KIAA1958: variants seen among roughly 807,000 people sequenced by gnomAD.
The protein encoded by KIAA1958 is KIAA1958.
Under a neutral mutation model 47.2 loss-of-function variants are expected in KIAA1958, and 14 were observed. That is an observed-to-expected ratio of 0.30 (90% CI 0.20 to 0.46). The LOEUF (loss-of-function observed/expected upper bound fraction) is 0.46, where lower values mean the gene tolerates loss of function less well. Among genes scored for constraint, KIAA1958 ranks in the 20% least tolerant of loss-of-function variants. KIAA1958 has a pLI of 1.00. For missense variants in KIAA1958, 803 were observed against 909.2 expected (o/e 0.88, Z 1.50); for synonymous variants, 354 against 353.3 (o/e 1.00, Z -0.02).
intron 3 of KIAA1958, among the ~76,000 whole-genome samples, chr9:112,647,734 TGCACAGAATGTGAGCCCTAAG>T (rs1349209913): frequency 1.3e-5 from 2 of 152,234 alleles, no homozygotes. Flanking sequence ...CAGAATGGGC[TGCACAGAATGTGAGCCCTAAG>T]GCACAGGAAA....
At chr9:112,514,991 C>T (rs1834391949) in intron 1 of KIAA1958, among the ~76,000 whole-genome samples, 2 of 78,798 alleles carry the variant, frequency 2.5e-5, no homozygotes, top group Non-Finnish European at 5.4e-5. Flanking sequence ...GTGGGGGGGT[C>T]GGCCCCCCGC....
chr9:112,646,425 G>T (rs1836976095), intron 3 of KIAA1958, among the ~76,000 whole-genome samples: 1 of 152,212 alleles, frequency 6.6e-6, no homozygotes, highest in Admixed American at 6.5e-5. Flanking sequence ...GCATCCTAAG[G>T]ATTAGACAAA....
chr9:112,562,733 C>A (rs1455240670), intron 1 of KIAA1958, among the ~76,000 whole-genome samples: 1 of 152,124 alleles, frequency 6.6e-6, no homozygotes, highest in Non-Finnish European at 1.5e-5. Context: ...TATAGGTAAT[C>A]TGAAACATAC....
At chr9:112,492,383 A>G (rs879756292) in intron 1 of KIAA1958, among the ~76,000 whole-genome samples, 1 of 152,090 alleles carries the variant, frequency 6.6e-6, no homozygotes, top group Non-Finnish European at 1.5e-5. Context: ...ATATGACTTC[A>G]TTTTACCTTA....
At chr9:112,636,593 A>T (rs1386736504) in intron 2 of KIAA1958, among the ~76,000 whole-genome samples, 1 of 152,108 alleles carries the variant, frequency 6.6e-6, no homozygotes, top group Admixed American at 6.5e-5. Flanking sequence ...ATTGTTATAT[A>T]TACCTTCCTG....
At chr9:112,616,012 A>C (rs1214535339) in intron 2 of KIAA1958, among the ~76,000 whole-genome samples, 2 of 152,234 alleles carry the variant, frequency 1.3e-5, no homozygotes, top group Admixed American at 1.3e-4. Context: ...GACTGCTGTG[A>C]TAGATATTTG....
At chr9:112,535,218 TC>T (rs1834832132) in intron 1 of KIAA1958, among the ~76,000 whole-genome samples, 1 of 152,210 alleles carries the variant, frequency 6.6e-6, no homozygotes, top group Non-Finnish European at 1.5e-5. Context: ...AAATTTTATA[TC>T]CTTTGACCAC....
At chr9:112,595,571 G>A (rs1836007442) in intron 2 of KIAA1958, among the ~76,000 whole-genome samples, 1 of 151,438 alleles carries the variant, frequency 6.6e-6, no homozygotes, top group South Asian at 2.1e-4. Context: ...GTGGGGGTAG[G>A]CGGAGCTGAG....
chr9:112,517,010 C>T (rs965369202), intron 1 of KIAA1958, among the ~76,000 whole-genome samples: 7 of 152,190 alleles, frequency 4.6e-5, no homozygotes, highest in Non-Finnish European at 8.8e-5. Flanking sequence ...CTTTGATTGG[C>T]TGAAACTCAG....
chr9:112,552,363 A>G (rs182551748), intron 1 of KIAA1958, among the ~76,000 whole-genome samples: 23 of 152,280 alleles, frequency 1.5e-4, no homozygotes, highest in African/African-American at 5.3e-4. Flanking sequence ...TACCATTCTT[A>G]TTTCTAATGC....
rs371599806 is a variant in KIAA1958 at position 112,574,840 on chromosome 9, C to G, written c.760C>G (p.Pro254Ala). 9.1e-5 allele frequency: 147 copies of G among 1,614,034 alleles called. No homozygotes were observed. Among genetic ancestry groups the G allele is most frequent in the Non-Finnish European group, 1.1e-4 (130 of 1,180,022 alleles). Residue 254 changes from proline to alanine, a missense_variant, in exon 2 of 4, where the codon CCC (proline) becomes GCC (alanine). By Grantham distance (27) the Pro-to-Ala change is conservative. Around this residue, in one of 2 missense-constraint regions of KIAA1958, gnomAD observed 761 missense variants for 829.3 expected, o/e 0.92. Transcript: ENST00000337530. Reference sequence around the variant, plus strand: ...CTGTGTAGGGTCTGCTAAACTGATTCCCCATGTCACATCTGCCATCAGCAC... The same window carrying G: ...CTGTGTAGGGTCTGCTAAACTGATTGCCCATGTCACATCTGCCATCAGCAC... ...PSCVGSAKLI[P>A]HVTSAISTEL...
At chr9:112,552,801 T>G (rs1260681843) in intron 1 of KIAA1958, among the ~76,000 whole-genome samples, 1 of 152,088 alleles carries the variant, frequency 6.6e-6, no homozygotes, top group Non-Finnish European at 1.5e-5. Flanking sequence ...CTTCAACAAC[T>G]CTTAGCTCCA....
At chr9:112,646,948 A>G (rs1369052422) in intron 3 of KIAA1958, among the ~76,000 whole-genome samples, 3 of 152,254 alleles carry the variant, frequency 2.0e-5, no homozygotes, top group Non-Finnish European at 4.4e-5. Flanking sequence ...ACATGGTGGA[A>G]CTGTTAAAGC....
At chr9:112,505,256 C>T (rs1834213784) in intron 1 of KIAA1958, among the ~76,000 whole-genome samples, 1 of 152,128 alleles carries the variant, frequency 6.6e-6, no homozygotes, top group East Asian at 1.9e-4. Context: ...GGCTAGCACC[C>T]TGGTTAAGAC....
chr9:112,575,449 C>T (rs1184403151), intron 2 of KIAA1958, among the ~76,000 whole-genome samples, 198 bp downstream of exon 2: 2 of 151,642 alleles, frequency 1.3e-5, no homozygotes, highest in South Asian at 2.1e-4. Flanking sequence ...ATCTAGTTGA[C>T]GTACCTTAGG....
intron 1 of KIAA1958, among the ~76,000 whole-genome samples, chr9:112,533,498 G>T (rs1005237299): frequency 3.4e-5 from 5 of 147,468 alleles, no homozygotes; most frequent in Non-Finnish European, 5.9e-5. Context: ...GTAGAATGGC[G>T]TGAACCCGGG....
chr9:112,539,558 G>A (rs1834906535), intron 1 of KIAA1958, among the ~76,000 whole-genome samples: 1 of 152,056 alleles, frequency 6.6e-6, no homozygotes, highest in South Asian at 2.1e-4. Context: ...AATGCTAATG[G>A]GCAGGAGGTT....
chr9:112,487,643 G>A (rs1833885223), intron 1 of KIAA1958, among the ~76,000 whole-genome samples: 1 of 152,170 alleles, frequency 6.6e-6, no homozygotes, highest in African/African-American at 2.4e-5. Context: ...CGTGTGTGAA[G>A]GAACGTGCAT....
intron 2 of KIAA1958, among the ~76,000 whole-genome samples, chr9:112,587,385 A>G (rs1029866013): frequency 2.6e-5 from 4 of 152,152 alleles, no homozygotes; most frequent in Admixed American, 6.5e-5. Flanking sequence ...CCTGACCTCA[A>G]GTGATCCACC....
Sources: gnomAD v4.1 joint callset for allele counts (sites outside exome capture counted in the v4.1 genomes callset) on GRCh38, gnomAD v4.1.1 for gene constraint, gnomAD v4.1.1 regional missense constraint, MANE v1.5 for transcripts, NCBI Gene and HGNC (gene_info 2026-07-23, HGNC 2026-07-21) for gene names.